The following FNBP1L variants were observed in gnomAD, a reference collection of about 807,000 sequenced individuals.
FNBP1L encodes the protein formin binding protein 1 like, also known as formin-binding protein 1-like.
In FNBP1L, 36 loss-of-function variants were observed where a neutral mutation model predicts 91.2. The observed-to-expected ratio is 0.39, with a 90% CI of 0.30 to 0.52. The LOEUF (loss-of-function observed/expected upper bound fraction) is 0.52, where lower values mean the gene tolerates loss of function less well. Ranked by LOEUF, FNBP1L falls within the 20% of genes least tolerant of loss-of-function variation. The pLI, the probability that FNBP1L is intolerant of heterozygous loss-of-function variation, is 0.66. For synonymous variants in FNBP1L, 242 were observed against 237.0 expected (o/e 1.02, Z -0.19); for missense variants, 571 against 732.1 (o/e 0.78, Z 2.54).
At chr1:93,452,159 A>G (rs1435531331) in intron 1 of FNBP1L, among the ~76,000 whole-genome samples, 2 of 152,198 alleles carry the variant, frequency 1.3e-5, no homozygotes, top group African/African-American at 4.8e-5. Flanking sequence ...GAGTGTAGAA[A>G]GGCTGGATTC....
chr1:93,464,574 G>T (rs1457251465), intron 1 of FNBP1L, among the ~76,000 whole-genome samples: 1 of 151,848 alleles, frequency 6.6e-6, no homozygotes, highest in Non-Finnish European at 1.5e-5. Context: ...ATGTTAATTG[G>T]TTGTTTGACA....
intron 2 of FNBP1L, among the ~76,000 whole-genome samples, chr1:93,510,846 AG>A (rs1200570823): frequency 1.3e-5 from 2 of 152,176 alleles, no homozygotes; most frequent in Non-Finnish European, 2.9e-5. Context: ...ACTGGAAGAA[AG>A]GGTATCAGCG....
At chr1:93,451,204 A>G (rs1221213442) in intron 1 of FNBP1L, among the ~76,000 whole-genome samples, 1 of 152,250 alleles carries the variant, frequency 6.6e-6, no homozygotes, top group East Asian at 1.9e-4. Flanking sequence ...GCAAGAATGG[A>G]TGGATCAGAT....
intron 1 of FNBP1L, among the ~76,000 whole-genome samples, chr1:93,471,220 A>G (rs921276123): frequency 6.6e-6 from 1 of 152,180 alleles, no homozygotes; most frequent in African/African-American, 2.4e-5. Context: ...AGAAATGTTC[A>G]TTGGAGCATT....
chr1:93,485,267 A>G (rs1325169327), intron 1 of FNBP1L, among the ~76,000 whole-genome samples: 2 of 152,204 alleles, frequency 1.3e-5, no homozygotes, highest in African/African-American at 4.8e-5. Flanking sequence ...ACACAGATAG[A>G]GCTTACTTCA....
chr1:93,465,076 G>A (rs1246656923), intron 1 of FNBP1L, among the ~76,000 whole-genome samples: 4 of 152,026 alleles, frequency 2.6e-5, no homozygotes, highest in Admixed American at 2.6e-4. Flanking sequence ...AACTAAGGCT[G>A]AGAGAATTAT....
At chr1:93,551,659 G>C in intron 16 of FNBP1L, 2 of 984,886 alleles carry the variant, frequency 2.0e-6, no homozygotes, top group Non-Finnish European at 2.4e-6. Flanking sequence ...TCTTAACTTT[G>C]GTTTCCTAAA....
At chr1:93,493,096 T>G (rs1013507796) in intron 1 of FNBP1L, among the ~76,000 whole-genome samples, 1 of 152,128 alleles carries the variant, frequency 6.6e-6, no homozygotes, top group Non-Finnish European at 1.5e-5. Flanking sequence ...AAACCGTGTC[T>G]CTACTAAAAA....
chr1:93,486,405 A>T (rs1168395683), intron 1 of FNBP1L, among the ~76,000 whole-genome samples: 1 of 152,122 alleles, frequency 6.6e-6, no homozygotes, highest in African/African-American at 2.4e-5. Context: ...TTTCAAGAAG[A>T]TGAAGAAAAT....
At chr1:93,487,924 C>T (rs1266215347) in intron 1 of FNBP1L, among the ~76,000 whole-genome samples, 3 of 152,158 alleles carry the variant, frequency 2.0e-5, no homozygotes, top group Non-Finnish European at 4.4e-5. Flanking sequence ...TATTTAGTTG[C>T]CTACTCAACA....
At chr1:93,509,574 A>G (rs1056871215) in intron 2 of FNBP1L, among the ~76,000 whole-genome samples, 3 of 152,240 alleles carry the variant, frequency 2.0e-5, no homozygotes, top group Non-Finnish European at 4.4e-5. Context: ...AATGTTTAAA[A>G]TGTTGATATA....
chr1:93,507,105 ACACTCTCTCTCT>A (rs1557798069), intron 2 of FNBP1L, among the ~76,000 whole-genome samples: 14 of 48,824 alleles, frequency 2.9e-4, no homozygotes, highest in South Asian at 1.8e-3. Context: ...ACACACACAC[ACACTCTCTCTCT>A]CTCTCTCTCT....
intron 14 of FNBP1L, 146 bp from the exon 15 acceptor site, chr1:93,549,132 G>T: frequency 1.8e-6 from 1 of 545,082 alleles, no homozygotes; most frequent in Non-Finnish European, 3.0e-6. Context: ...TTGTATACTT[G>T]ACATTTGAAA....
chr1:93,467,682 G>A (rs1401617005), intron 1 of FNBP1L, among the ~76,000 whole-genome samples: 1 of 152,078 alleles, frequency 6.6e-6, no homozygotes, highest in Non-Finnish European at 1.5e-5. Context: ...GGCTGAGGTG[G>A]GAGGACCATT....
chr1:93,521,500 CATG>C (rs1194542209), intron 2 of FNBP1L, among the ~76,000 whole-genome samples: 6 of 152,120 alleles, frequency 3.9e-5, no homozygotes, highest in Admixed American at 2.6e-4. Context: ...TTCCCAGACC[CATG>C]AATACCAAAA....
At chr1:93,490,679 TAGAG>T (rs1286374887) in intron 1 of FNBP1L, among the ~76,000 whole-genome samples, 1 of 152,204 alleles carries the variant, frequency 6.6e-6, no homozygotes, top group Non-Finnish European at 1.5e-5. Context: ...GTGCTAAAGG[TAGAG>T]AGAATAGGGA....
intron 1 of FNBP1L, among the ~76,000 whole-genome samples, chr1:93,468,369 G>T (rs1013020968): frequency 6.6e-6 from 1 of 151,880 alleles, no homozygotes; most frequent in Non-Finnish European, 1.5e-5. Context: ...TGACTTTTAG[G>T]TGTTTTCTAT....
intron 2 of FNBP1L, among the ~76,000 whole-genome samples, chr1:93,516,157 G>A (rs1380817824): frequency 6.6e-6 from 1 of 151,958 alleles, no homozygotes; most frequent in African/African-American, 2.4e-5. Context: ...TTACCACAGA[G>A]CATTGTGGGA....
intron 2 of FNBP1L, among the ~76,000 whole-genome samples, chr1:93,517,043 C>CTTT (rs370353493): frequency 1.4e-5 from 2 of 141,426 alleles, no homozygotes; most frequent in Admixed American, 7.2e-5. Flanking sequence ...TTTCCTCTTC[C>CTTT]TTTTTTTTTT....
Sources: allele counts gnomAD v4.1 joint callset (sites outside exome capture counted in the v4.1 genomes callset), GRCh38; gene constraint gnomAD v4.1.1; transcripts MANE v1.5; gene names NCBI Gene and HGNC (gene_info 2026-07-23, HGNC 2026-07-21).